RALYL: variants seen among roughly 807,000 people sequenced by gnomAD.
RALYL encodes RALY RNA binding protein like.
RALYL carries 29 observed loss-of-function variants against 35.1 expected under a neutral mutation model. The ratio of observed to expected loss-of-function variants is 0.83; its 90% confidence interval spans 0.61 to 1.13. RALYL has a LOEUF of 1.13. Ranked by LOEUF, RALYL falls within the 50% of genes most tolerant of loss-of-function variation. The probability of loss-of-function intolerance (pLI) is 0.00; values close to 1 mark genes in which losing one functional copy is unlikely to be tolerated. For synonymous variants in RALYL, 120 were observed against 127.6 expected, an observed-to-expected ratio of 0.94 and a Z score of 0.40; for missense variants, 359 against 360.4, an observed-to-expected ratio of 1.00 and a Z score of 0.03.
At chr8:84,252,159 G>T (rs1471035645) in intron 1 of RALYL, among the ~76,000 whole-genome samples, 2 of 151,792 alleles carry the variant, frequency 1.3e-5, no homozygotes, top group African/African-American at 4.8e-5. Flanking sequence ...ACATTTTGTG[G>T]TGCACCCTAT....
intron 1 of RALYL, among the ~76,000 whole-genome samples, chr8:84,485,359 C>T (rs1351384554): frequency 3.3e-5 from 5 of 152,126 alleles, no homozygotes; most frequent in African/African-American, 9.6e-5. Context: ...GAGGCGGAGG[C>T]GAGTGGATCA....
intron 2 of RALYL, among the ~76,000 whole-genome samples, chr8:84,742,665 T>C (rs1807648798): frequency 6.6e-6 from 1 of 152,054 alleles, no homozygotes. Context: ...ATGATTTTAA[T>C]GTTTACCAAG....
chr8:84,236,715 A>G (rs1826653062), intron 1 of RALYL, among the ~76,000 whole-genome samples: 1 of 152,162 alleles, frequency 6.6e-6, no homozygotes, highest in Non-Finnish European at 1.5e-5. Context: ...TCCAATCAAT[A>G]TCGTCGTGAG....
chr8:84,870,588 T>C (rs901790332), intron 6 of RALYL, among the ~76,000 whole-genome samples: 246 of 151,718 alleles, frequency 1.6e-3, no homozygotes, highest in Middle Eastern at 3.4e-3. Flanking sequence ...TATATATATA[T>C]ATATATATAT....
At chr8:84,417,223 A>C (rs2044818213) in intron 1 of RALYL, among the ~76,000 whole-genome samples, 1 of 152,112 alleles carries the variant, frequency 6.6e-6, no homozygotes, top group Non-Finnish European at 1.5e-5. Flanking sequence ...AGTATTTTTA[A>C]GATACTGTTG....
intron 1 of RALYL, among the ~76,000 whole-genome samples, chr8:84,478,666 A>G (rs2053685344): frequency 6.6e-6 from 1 of 152,102 alleles, no homozygotes; most frequent in African/African-American, 2.4e-5. Context: ...TATTCCACAT[A>G]GGGTAACCAC....
chr8:84,581,156 T>A (rs1810740052), intron 2 of RALYL, among the ~76,000 whole-genome samples: 1 of 152,208 alleles, frequency 6.6e-6, no homozygotes, highest in African/African-American at 2.4e-5. Flanking sequence ...CTTATCAGAC[T>A]GTGCCTTTGA....
chr8:84,778,254 C>T (rs538956121), intron 3 of RALYL, among the ~76,000 whole-genome samples: 1 of 152,296 alleles, frequency 6.6e-6, no homozygotes, highest in African/African-American at 2.4e-5. Flanking sequence ...CACGTACATC[C>T]ACTTTATCTC....
At chr8:84,501,740 A>T (rs2134226550) in intron 1 of RALYL, among the ~76,000 whole-genome samples, 1 of 151,450 alleles carries the variant, frequency 6.6e-6, no homozygotes, top group East Asian at 1.9e-4. Context: ...ATCTCTGGGG[A>T]TGGCTCACAA....
At chr8:84,603,300 C>T (rs1173146158) in intron 2 of RALYL, among the ~76,000 whole-genome samples, 1 of 151,832 alleles carries the variant, frequency 6.6e-6, no homozygotes, top group Non-Finnish European at 1.5e-5. Flanking sequence ...TATGAGCTTG[C>T]TATTATTATT....
intron 2 of RALYL, among the ~76,000 whole-genome samples, chr8:84,676,146 T>C (rs1231856979): frequency 6.6e-6 from 1 of 152,200 alleles, no homozygotes; most frequent in East Asian, 1.9e-4. Context: ...CAATAATATT[T>C]TATAAATGTC....
At chr8:84,580,131 T>A (rs896577441) in intron 2 of RALYL, among the ~76,000 whole-genome samples, 1 of 152,238 alleles carries the variant, frequency 6.6e-6, no homozygotes, top group Non-Finnish European at 1.5e-5. Flanking sequence ...TGTGTTATCA[T>A]ATAAGACAGC....
At chr8:84,755,024 T>C (rs1811038857) in intron 2 of RALYL, among the ~76,000 whole-genome samples, 2 of 152,196 alleles carry the variant, frequency 1.3e-5, no homozygotes, top group South Asian at 2.1e-4. Flanking sequence ...CCAGTTTTAA[T>C]GCCTGTTTCC....
At chr8:84,497,475 G>A (rs1394143478) in intron 1 of RALYL, among the ~76,000 whole-genome samples, 1 of 152,020 alleles carries the variant, frequency 6.6e-6, no homozygotes, top group Admixed American at 6.6e-5. Context: ...TACAGCTTGG[G>A]TAGAGAAATT....
At chr8:84,679,565 A>G (rs924026707) in intron 2 of RALYL, 10 of 420,956 alleles carry the variant, frequency 2.4e-5, no homozygotes, top group Admixed American at 8.7e-5. Flanking sequence ...GCTCTTCCCA[A>G]TGGCCAGAAC....
intron 1 of RALYL, among the ~76,000 whole-genome samples, chr8:84,409,583 AAAT>A (rs2043898093): frequency 6.6e-6 from 1 of 152,090 alleles, no homozygotes; most frequent in African/African-American, 2.4e-5. Context: ...CAGTGAAAAG[AAAT>A]AATAATTTCT....
At chr8:84,616,405 T>C (rs1274748097) in intron 2 of RALYL, among the ~76,000 whole-genome samples, 20 of 150,170 alleles carry the variant, frequency 1.3e-4, no homozygotes, top group African/African-American at 5.0e-4. Flanking sequence ...TTTTGAGAAG[T>C]GTCTGTTCAT....
chr8:84,844,060 A>C (rs932200107), intron 4 of RALYL, among the ~76,000 whole-genome samples: 22 of 152,148 alleles, frequency 1.4e-4, no homozygotes, highest in African/African-American at 3.9e-4. Flanking sequence ...AGGCATGGGC[A>C]AGGACTTCAT....
At chr8:84,458,681 C>T (rs985764111) in intron 1 of RALYL, among the ~76,000 whole-genome samples, 2 of 151,596 alleles carry the variant, frequency 1.3e-5, no homozygotes, top group African/African-American at 2.4e-5. Flanking sequence ...AAAGTTGGAA[C>T]CTAATGGTCT....
Sources: gnomAD v4.1 joint callset for allele counts (sites outside exome capture counted in the v4.1 genomes callset) on GRCh38, gnomAD v4.1.1 for gene constraint, MANE v1.5 for transcripts, NCBI Gene and HGNC (gene_info 2026-07-23, HGNC 2026-07-21) for gene names.